PDE6B: variants seen among roughly 807,000 people sequenced by gnomAD.
PDE6B encodes rod cGMP-specific 3',5'-cyclic phosphodiesterase subunit beta.
In PDE6B, 106 loss-of-function variants were observed where a neutral mutation model predicts 109.0. The ratio of observed to expected loss-of-function variants is 0.97; its 90% CI spans 0.83 to 1.14. PDE6B has a LOEUF of 1.14. PDE6B is among the 50% of genes most tolerant of loss of function. The pLI is 0.00. For synonymous variants in PDE6B, 490 were observed against 471.3 expected (o/e 1.04, Z -0.51); for missense variants, 1,193 against 1,155.6 (o/e 1.03, Z -0.47).
At position 636,797 on chromosome 4, in the gene PDE6B, G is replaced by T. The variant is rs746944403; in HGVS notation, c.711+828G>T. Among the ~76,000 whole-genome samples, 1 of 152,184 alleles carries T rather than the reference G, an allele frequency of 6.6e-6. No homozygotes were observed. The highest frequency in any genetic ancestry group is 2.4e-5 in the African/African-American group (1 of 41,454). ...ATCTGGAGGAAGGCTGGGTTTAGGG[G>T]CCTCCTCCTGGCCCCAGGGCTGCCT... On this transcript the variant is annotated intron_variant, in intron 3 of 21. Transcript: ENST00000496514. This position sits in a 1 kb window ranked among gnomAD's most constrained non-coding sequence, Gnocchi z 4.5.
At chr4:664,352 G>A (rs1486190401) in intron 17 of PDE6B, 131 bp downstream of exon 17, 1 of 708,238 alleles carries the variant, frequency 1.4e-6, no homozygotes, top group African/African-American at 1.8e-5. Context: ...AGCTTGTCGA[G>A]GGCTGTGAAA....
chr4:635,209 G>T (rs1447921720), intron 2 of PDE6B, among the ~76,000 whole-genome samples: 1 of 128,934 alleles, frequency 7.8e-6, no homozygotes, highest in East Asian at 2.9e-4. Flanking sequence ...GCCTGCCCGC[G>T]TGTTCTGTGC....
chr4:654,052 G>T, intron 4 of PDE6B, 28 bp from the exon 5 acceptor site: 2 of 1,612,924 alleles, frequency 1.2e-6, no homozygotes, highest in Non-Finnish European at 1.7e-6. Flanking sequence ...CGCAGTGACC[G>T]CCCCACCCTC....
intron 3 of PDE6B, among the ~76,000 whole-genome samples, chr4:647,540 G>T (rs1296698358): frequency 1.3e-5 from 2 of 152,038 alleles, no homozygotes; most frequent in Non-Finnish European, 2.9e-5. Context: ...CCAGATGAAG[G>T]TGCTGACCAG....
intron 21 of PDE6B, among the ~76,000 whole-genome samples, chr4:669,789 C>T (rs571347414): frequency 1.3e-5 from 2 of 151,212 alleles, no homozygotes; most frequent in South Asian, 4.2e-4. Flanking sequence ...CCATGCTATT[C>T]CCGCTATCCT....
rs1323036387 is a variant in PDE6B at position 635,420 on chromosome 4, C to T, written c.622-460C>T. On this transcript the variant is annotated intron_variant, in intron 2 of 21. Transcript: ENST00000496514. ...GCCTGCCCGTGTGTTCTGTGCTGTG[C>T]GTCCACCTCCTTACCTGCCTGCCTG... Among the ~76,000 whole-genome samples, 13 of 108,688 alleles carry T rather than the reference C, an allele frequency of 1.2e-4. 1 individual carries two copies. The highest frequency in any genetic ancestry group is 2.2e-4 in the Non-Finnish European group (12 of 55,314). The allele number at this position is 108,688 out of a possible 152,430, so 71.3% of individuals were successfully genotyped here.
At chr4:638,178 C>T (rs935461919) in intron 3 of PDE6B, among the ~76,000 whole-genome samples, 3 of 152,172 alleles carry the variant, frequency 2.0e-5, no homozygotes, top group African/African-American at 7.2e-5. Context: ...AATTTACAAT[C>T]CCCTAATGAC....
At chr4:635,190 TGCCTGCCC>T (rs1467914985) in intron 2 of PDE6B, among the ~76,000 whole-genome samples, 1 of 140,106 alleles carries the variant, frequency 7.1e-6, no homozygotes, top group East Asian at 2.7e-4. Flanking sequence ...CCTCCTTACC[TGCCTGCCC>T]GCCTGCCCGC....
intron 12 of PDE6B, 96 bp downstream of exon 12, chr4:660,709 A>AGG (rs1736968002): frequency 9.2e-7 from 1 of 1,082,652 alleles, no homozygotes; most frequent in African/African-American, 1.6e-5. Context: ...CCAGAAGGTG[A>AGG]GGGGGATGGG....
intron 3 of PDE6B, among the ~76,000 whole-genome samples, chr4:646,577 C>T (rs1735210405): frequency 6.6e-6 from 1 of 152,048 alleles, no homozygotes; most frequent in Admixed American, 6.5e-5. Flanking sequence ...CTGCTCCTTC[C>T]GGCACCCGCC....
Position 663,717 on chromosome 4 carries a change from C to T in PDE6B, c.1921-53C>T. 7.4e-7 allele frequency: 1 copy of T among 1,357,030 alleles called. No individual in the cohort carries two copies. Among genetic ancestry groups the T allele is most frequent in the Non-Finnish European group, 1.1e-6 (1 of 951,238 alleles). The allele number at this position is 1,357,030 out of a possible 1,614,324, so 84.1% of individuals were successfully genotyped here. On this transcript the variant is annotated intron_variant, in intron 15 of 21. Coordinates refer to ENST00000496514, the MANE Select transcript of PDE6B (RefSeq NM_000283.4). The surrounding 1 kb of genome is among the most constrained non-coding windows in gnomAD (Gnocchi z 4.0). ...AGGCGGAAGGGGCGGGGTCCCCGGGCACCCTGAGAGGTGGCCGCAGGGCGC... is the reference window on the plus strand; with the variant it reads ...AGGCGGAAGGGGCGGGGTCCCCGGGTACCCTGAGAGGTGGCCGCAGGGCGC...
chr4:655,777 A>G (rs965122111), intron 6 of PDE6B, 163 bp from the exon 7 acceptor site: 2 of 687,598 alleles, frequency 2.9e-6, no homozygotes, highest in Non-Finnish European at 5.3e-6. Context: ...TGACCCCTGC[A>G]CACACACGTG....
intron 5 of PDE6B, chr4:654,463 G>A (rs1353177262): frequency 1.7e-5 from 6 of 344,812 alleles, no homozygotes; most frequent in Admixed American, 7.9e-5. Flanking sequence ...TGTAGGATGC[G>A]TGTGTGTGTG....
chr4:653,677 A>T, intron 3 of PDE6B, 175 bp from the exon 4 acceptor site: 1 of 753,174 alleles, frequency 1.3e-6, no homozygotes, highest in Non-Finnish European at 2.2e-6. Context: ...ACAAGCTCAG[A>T]TGAAACCTGG....
Position 656,274 on chromosome 4 carries a change from C to T in PDE6B, c.1089C>T (p.Asp363=), listed in dbSNP as rs150360174. The T allele has an allele frequency of 7.3e-5, 117 of 1,592,632 alleles. No individual in the cohort carries two copies. In the South Asian group the frequency reaches 8.1e-4, roughly 11 times the overall value. The part of the protein sequence containing the change: ...FICNIMNASA[D]EMFKFQEGAL... ...GTAACATCATGAATGCTTCCGCTGA[C>T]GAAATGTTCAAATTTCAGGTATCTG... Residue 363 remains aspartate, a synonymous_variant, in exon 8 of 22, where the codon GAC becomes GAT. Coordinates refer to ENST00000496514, the MANE Select transcript of PDE6B (RefSeq NM_000283.4).
intron 2 of PDE6B, 80 bp from the exon 3 acceptor site, chr4:635,800 G>C: frequency 1.2e-6 from 1 of 806,194 alleles, no homozygotes; most frequent in South Asian, 1.4e-5. Context: ...AGGCGAGCAT[G>C]TTTCTCCTGC....
At chr4:664,452 G>T (rs1428369630) in intron 17 of PDE6B, among the ~76,000 whole-genome samples, 1 of 152,178 alleles carries the variant, frequency 6.6e-6, no homozygotes, top group Non-Finnish European at 1.5e-5. Flanking sequence ...TGTAGCCCTT[G>T]GCAGTAACTT....
rs976658639 is a variant in PDE6B, at chr4:633,735, C to T, written c.469-942C>T. On this transcript the variant is annotated intron_variant, in intron 1 of 21. Transcript: ENST00000496514. This position sits in a 1 kb window ranked among gnomAD's most constrained non-coding sequence, Gnocchi z 4.5. ...GTCCTGACCCCAGCAGGGCTGACTC[C>T]GGAGCCGTCCACCTGGGTCACTGCC... Among the ~76,000 whole-genome samples the T allele has an allele frequency of 2.0e-5, 3 of 152,188 alleles. No individual in the cohort carries two copies. Among genetic ancestry groups the T allele is most frequent in the African/African-American group, 4.8e-5 (2 of 41,440 alleles).
intron 3 of PDE6B, among the ~76,000 whole-genome samples, chr4:646,863 CTT>C (rs1177100337): frequency 6.9e-6 from 1 of 145,796 alleles, no homozygotes; most frequent in African/African-American, 2.5e-5. Flanking sequence ...CATAATTTTC[CTT>C]TTTTTTTTTT....
Sources: allele counts gnomAD v4.1 joint callset (sites outside exome capture counted in the v4.1 genomes callset), GRCh38; gene constraint gnomAD v4.1.1; non-coding constraint Gnocchi (gnomAD v3.1); transcripts MANE v1.5; gene names NCBI Gene and HGNC (gene_info 2026-07-23, HGNC 2026-07-21).